Variants in ADGRL2 observed in about 807,000 individuals in gnomAD.
The protein encoded by ADGRL2 is calcium-independent alpha-latrotoxin receptor 2.
ADGRL2 carries 44 observed loss-of-function variants against 157.4 expected under a neutral mutation model. The observed-to-expected ratio is 0.28, with a 90% CI of 0.22 to 0.36. The LOEUF is 0.36. Among genes scored for constraint, ADGRL2 ranks in the 10% least tolerant of loss-of-function variants. The probability of loss-of-function intolerance (pLI) is 1.00; values close to 1 mark genes in which losing one functional copy is unlikely to be tolerated. For synonymous variants in ADGRL2, 585 were observed against 624.7 expected (o/e 0.94, Z 0.95); for missense variants, 1,510 against 1,768.9 (o/e 0.85, Z 2.63).
chr1:81,893,502 A>G (rs977666662), intron 2 of ADGRL2, among the ~76,000 whole-genome samples: 15 of 152,288 alleles, frequency 9.8e-5, no homozygotes, highest in Non-Finnish European at 1.6e-4. Context: ...CAGGATTCCT[A>G]TGAGCCTTTT....
intron 3 of ADGRL2, among the ~76,000 whole-genome samples, chr1:81,662,577 CA>C (rs2082674435): frequency 6.8e-6 from 1 of 147,788 alleles, no homozygotes; most frequent in African/African-American, 2.5e-5. Context: ...CTTTTTGAGA[CA>C]GAGTCTCGCT....
At chr1:81,537,764 A>G (rs2079780228) in intron 2 of ADGRL2, among the ~76,000 whole-genome samples, 1 of 146,474 alleles carries the variant, frequency 6.8e-6, no homozygotes, top group South Asian at 2.1e-4. Context: ...CAGTGTCACC[A>G]TCTCGGCTCA....
At chr1:81,427,018 C>A in intron 1 of ADGRL2, 1 of 1,019,636 alleles carries the variant, frequency 9.8e-7, no homozygotes, top group Non-Finnish European at 1.5e-6. Context: ...AGAAATACCA[C>A]AGTTGATAAC....
In ADGRL2 at chr1:81,793,891, C is replaced by T. The variant is rs187724926; in HGVS notation, c.-101+32039C>T. The stretch of plus-strand genomic sequence containing the variant: ...TTTTCAGATTCTTTATTTGATTACC[C>T]ACAAATTTATTTTTAAATGATAAAT... On this transcript the variant is annotated intron_variant, in intron 2 of 20. Coordinates refer to the ADGRL2 transcript ENST00000359929. Among the ~76,000 whole-genome samples, 450 of 151,948 alleles carry T rather than the reference C, an allele frequency of 3.0e-3. 1 individual carries two copies. Among genetic ancestry groups the T allele is most frequent in the African/African-American group, 0.011 (436 of 41,468 alleles).
At chr1:81,319,162 G>C (rs1247877255) in intron 1 of ADGRL2, among the ~76,000 whole-genome samples, 1 of 151,098 alleles carries the variant, frequency 6.6e-6, no homozygotes, top group African/African-American at 2.4e-5. Context: ...GGTCAGGCTG[G>C]TCTTGAACTC....
At chr1:81,940,753 A>T (rs1647632048) in intron 4 of ADGRL2, among the ~76,000 whole-genome samples, 1 of 151,648 alleles carries the variant, frequency 6.6e-6, no homozygotes, top group South Asian at 2.1e-4. Context: ...TTTTAACAAC[A>T]GAAAAGGGAG....
intron 13 of ADGRL2, among the ~76,000 whole-genome samples, chr1:81,967,004 T>C (rs1356366142): frequency 1.3e-5 from 2 of 152,206 alleles, no homozygotes; most frequent in Admixed American, 1.3e-4. Flanking sequence ...ATTAGTTTAC[T>C]GATCACGTTT....
chr1:81,405,852 A>G (rs2076845117), intron 1 of ADGRL2, among the ~76,000 whole-genome samples: 1 of 152,156 alleles, frequency 6.6e-6, no homozygotes, highest in Non-Finnish European at 1.5e-5. Context: ...ATGCCTATAT[A>G]TTCTTTAAAA....
rs573007922 is a variant in ADGRL2 at position 81,722,595 on chromosome 1, T to G, written c.-143+22787T>G. On this transcript the variant is annotated intron_variant, in intron 1 of 20. Coordinates refer to the ADGRL2 transcript ENST00000359929. ...ACAGACGCCTAGGCCACTGGGAAGA[T>G]GTAGCCCATGATCTTGCCCTTGCCT... 129 of 1,448,472 alleles carry G rather than the reference T, an allele frequency of 8.9e-5. No homozygotes were observed. The African/African-American group carries it at 1.7e-3, about 19-fold the overall frequency. 89.7% of individuals were successfully genotyped at this position (1,448,472 alleles called of 1,614,324 possible).
At chr1:81,471,450 A>G (rs894635200) in intron 2 of ADGRL2, among the ~76,000 whole-genome samples, 1 of 152,152 alleles carries the variant, frequency 6.6e-6, no homozygotes, top group Non-Finnish European at 1.5e-5. Flanking sequence ...ACTAGATGTC[A>G]ATACAATGTT....
At chr1:81,487,910 T>C (rs1394930317) in intron 2 of ADGRL2, among the ~76,000 whole-genome samples, 7 of 152,108 alleles carry the variant, frequency 4.6e-5, no homozygotes, top group African/African-American at 1.4e-4. Flanking sequence ...CACATAGTAA[T>C]ATATTCAATT....
chr1:81,895,822 C>G (rs998161282), intron 2 of ADGRL2, among the ~76,000 whole-genome samples: 1 of 152,068 alleles, frequency 6.6e-6, no homozygotes, highest in Non-Finnish European at 1.5e-5. Context: ...AATTTTTACT[C>G]TGTTTGATCT....
chr1:81,355,265 A>G lies in ADGRL2; in HGVS notation c.-302+48756A>G, dbSNP rs567424860. 2.6e-5 allele frequency among the ~76,000 whole-genome samples: 4 copies of G among 152,292 alleles called. No homozygotes were observed. The East Asian group carries it at 7.7e-4, about 29-fold the overall frequency. The stretch of plus-strand genomic sequence containing the variant: ...TCCCAGCTACTCGGGAGGCTGAGGC[A>G]TAAGAATCACTTGAACTTAGGAGAT... On this transcript the variant is annotated intron_variant, in intron 1 of 24. Transcript: ENST00000370721.
At chr1:81,831,962 G>A (rs1414506620) in intron 1 of ADGRL2, among the ~76,000 whole-genome samples, 3 of 151,980 alleles carry the variant, frequency 2.0e-5, no homozygotes, top group Admixed American at 2.0e-4. Context: ...TTTACCTCTC[G>A]GAGCCTCAGA....
Position 81,722,938 on chromosome 1 carries a change from C to T in ADGRL2, c.-143+23130C>T, listed in dbSNP as rs1017035983. On this transcript the variant is annotated intron_variant, in intron 1 of 20. Coordinates refer to the ADGRL2 transcript ENST00000359929. The stretch of plus-strand genomic sequence containing the variant: ...TTAGTGATCTAGAGGTTCTTGCAGA[C>T]ATGCAGGATCCAGAAGTTATGGTGG... 3 of 754,588 alleles carry T rather than the reference C, an allele frequency of 4.0e-6. No homozygotes were observed. The Admixed American group carries it at 5.2e-5, about 13-fold the overall frequency. The allele number at this position is 754,588 out of a possible 1,614,324, so 46.7% of individuals were successfully genotyped here.
intron 1 of ADGRL2, among the ~76,000 whole-genome samples, chr1:81,816,107 A>G (rs569000800): frequency 2.6e-5 from 4 of 151,962 alleles, no homozygotes; most frequent in African/African-American, 9.6e-5. Flanking sequence ...TACATACACT[A>G]ATGGCCTCAT....
At chr1:81,857,018 T>G (rs1226175818) in intron 2 of ADGRL2, among the ~76,000 whole-genome samples, 1 of 152,196 alleles carries the variant, frequency 6.6e-6, no homozygotes, top group Non-Finnish European at 1.5e-5. Context: ...AAACAATGAC[T>G]GCACTTGTCA....
chr1:81,325,884 T>C (rs553573070), intron 1 of ADGRL2, among the ~76,000 whole-genome samples: 35 of 152,204 alleles, frequency 2.3e-4, no homozygotes, highest in African/African-American at 8.2e-4. Context: ...CCATGGAGGA[T>C]GAGAAATGGT....
chr1:81,676,111 C>T (rs1336881261), intron 3 of ADGRL2, among the ~76,000 whole-genome samples: 3 of 152,130 alleles, frequency 2.0e-5, no homozygotes. Flanking sequence ...AAGCAATTCT[C>T]CTGTCTCAGC....
Sources: allele counts gnomAD v4.1 joint callset (sites outside exome capture counted in the v4.1 genomes callset), GRCh38; gene constraint gnomAD v4.1.1; transcripts MANE v1.5; gene names NCBI Gene and HGNC (gene_info 2026-07-23, HGNC 2026-07-21).